The following PCNX3 variants were observed in gnomAD, a reference collection of about 807,000 sequenced individuals.
PCNX3 encodes pecanex-like protein 3.
Under a neutral mutation model 207.2 loss-of-function variants are expected in PCNX3, and 58 were observed. The ratio of observed to expected loss-of-function variants is 0.28; its 90% CI spans 0.23 to 0.35. The LOEUF is 0.35. Among genes scored for constraint, PCNX3 ranks in the 10% least tolerant of loss-of-function variants. PCNX3 has a pLI of 1.00. For missense variants in PCNX3, 2,410 were observed against 2,774.4 expected (o/e 0.87, Z 2.95); for synonymous variants, 1,337 against 1,183.5 (o/e 1.13, Z -2.66).
At chr11:65,622,944 A>G (rs1357983620) in intron 11 of PCNX3, among the ~76,000 whole-genome samples, 5 of 151,466 alleles carry the variant, frequency 3.3e-5, no homozygotes, top group African/African-American at 7.3e-5. Context: ...TGATTTGAAA[A>G]TCGAGTGCTG....
At chr11:65,626,856 AGGCAGGCAT>A (rs1565165226) in intron 20 of PCNX3, 39 bp from the exon 21 acceptor site, 1 of 1,559,484 alleles carries the variant, frequency 6.4e-7, no homozygotes, top group Non-Finnish European at 8.7e-7. Flanking sequence ...TCCTCAGGGA[AGGCAGGCAT>A]GTGGAAGCCA....
chr11:65,630,155 T>C (rs1368100017), intron 26 of PCNX3, among the ~76,000 whole-genome samples, 196 bp from the exon 27 acceptor site: 1 of 151,958 alleles, frequency 6.6e-6, no homozygotes, highest in African/African-American at 2.4e-5. Context: ...CCTCCCGCCC[T>C]GCCCTTGGAT....
chr11:65,633,521 T>A (rs1406178811), intron 27 of PCNX3, among the ~76,000 whole-genome samples: 1 of 152,166 alleles, frequency 6.6e-6, no homozygotes, highest in Non-Finnish European at 1.5e-5. Flanking sequence ...CAGTTCAGTC[T>A]GTTCTGCCCC....
At chr11:65,633,536 G>C (rs1855698159) in intron 27 of PCNX3, among the ~76,000 whole-genome samples, 1 of 152,156 alleles carries the variant, frequency 6.6e-6, no homozygotes, top group Non-Finnish European at 1.5e-5. Flanking sequence ...TGCCCCACTC[G>C]CTCCCCGCCC....
At position 65,634,607 on chromosome 11, in the gene PCNX3, G is replaced by T; in HGVS notation, c.4771G>T (p.Ala1591Ser). 6.2e-7 allele frequency: 1 copy of T among 1,603,082 alleles called. No individual in the cohort carries two copies. Residue 1591 changes from alanine to serine, a missense_variant, in exon 29 of 35, where the codon GCC becomes TCC. Physicochemically the swap from Ala to Ser is moderately conservative, Grantham distance 99. Around this residue, in one of 8 missense-constraint regions of PCNX3, gnomAD observed 420 missense variants for 705.3 expected, o/e 0.60. Transcript: ENST00000355703. Reference sequence around the variant, plus strand: ...TGGCCTGTGTGTGCTGGGCCGCCGGGCCCTGGGGACAGCCTCTCACAGCAT... The same window carrying T: ...TGGCCTGTGTGTGCTGGGCCGCCGGTCCCTGGGGACAGCCTCTCACAGCAT... ...CFGLCVLGRR[A>S]LGTASHSMSA... is the part of the protein sequence containing the mutation.
At chr11:65,633,576 C>T (rs1005393850) in intron 27 of PCNX3, among the ~76,000 whole-genome samples, 8 of 152,352 alleles carry the variant, frequency 5.3e-5, no homozygotes, top group South Asian at 2.1e-4. Flanking sequence ...GATGCTCCCG[C>T]GCTCGGGGTT....
rs1434748913 is a variant in PCNX3, at chr11:65,637,028, C to T, written c.*50C>T. 2 of 1,510,686 alleles carry T rather than the reference C, an allele frequency of 1.3e-6. No homozygotes were observed. The highest frequency in any genetic ancestry group is 1.8e-6 in the Non-Finnish European group (2 of 1,124,002). The allele number at this position is 1,510,686 out of a possible 1,614,324, so 93.6% of individuals were successfully genotyped here. A position where few individuals can be genotyped will look rare whatever the true frequency, so the allele number is the denominator to read the frequency against. On this transcript the variant is annotated 3_prime_UTR_variant, in exon 35 of 35. Transcript: ENST00000355703. ...CTCCTAGGATTCAGTAACGGACCTG[C>T]TCTGCTGCCTCTCTGCTGGACCACA...
At chr11:65,632,647 G>A (rs1419224312) in intron 27 of PCNX3, among the ~76,000 whole-genome samples, 10 of 143,618 alleles carry the variant, frequency 7.0e-5, no homozygotes, top group East Asian at 2.0e-4. Flanking sequence ...TAAGATGACC[G>A]TGAGTGTTGT....
At chr11:65,629,493 C>T in intron 25 of PCNX3, 27 bp from the exon 26 acceptor site, 1 of 1,612,740 alleles carries the variant, frequency 6.2e-7, no homozygotes, top group South Asian at 1.1e-5. Flanking sequence ...TCACTTTGTC[C>T]ATTTGCCCGT....
rs144082298 is a variant in PCNX3 at position 65,636,705 on chromosome 11, G to A, written c.5892+16G>A. 1.6e-5 allele frequency: 25 copies of A among 1,565,948 alleles called. No homozygotes were observed. The East Asian group carries it at 5.6e-4, about 35-fold the overall frequency. ...CAAATCTCAGGTAAGGCACCTGTGG[G>A]AGGGTTGGGTCCCAGAAGGCTAAGG... On this transcript the variant is annotated intron_variant, in intron 34 of 34. Transcript: ENST00000355703.
chr11:65,616,178 T>A lies in PCNX3; in HGVS notation c.-134T>A. 7.9e-6 allele frequency: 5 copies of A among 631,726 alleles called. No homozygotes were observed. Among genetic ancestry groups the A allele is most frequent in the African/African-American group, 2.0e-5 (1 of 51,144 alleles). The allele number at this position is 631,726 out of a possible 1,614,324, so 39.1% of individuals were successfully genotyped here. On this transcript the variant is annotated 5_prime_UTR_variant, in exon 1 of 35. Coordinates refer to ENST00000355703, the MANE Select transcript of PCNX3 (RefSeq NM_032223.4). ...GCACCCTCGCGCGGCCGAGCCCCCC[T>A]CCCCCGCTGGGGGAGGCCATGGCGT...
intron 22 of PCNX3, among the ~76,000 whole-genome samples, chr11:65,628,320 A>G (rs1855485407): frequency 6.6e-6 from 1 of 152,090 alleles, no homozygotes; most frequent in South Asian, 2.1e-4. Context: ...CAACTTTCCC[A>G]TCTGTGAAAA....
At position 65,635,990 on chromosome 11, in the gene PCNX3, A is replaced by G. The variant is rs1446204939; in HGVS notation, c.5460-184A>G. Among the ~76,000 whole-genome samples the G allele has an allele frequency of 1.3e-5, 2 of 152,048 alleles. No homozygotes were observed. The highest frequency in any genetic ancestry group is 4.8e-5 in the African/African-American group (2 of 41,370). ...CCAGAGCTGACAGTGGCCTTTAGTCATCAAGCACTGTTGACAACGCACCCT... is the reference window on the plus strand; with the variant it reads ...CCAGAGCTGACAGTGGCCTTTAGTCGTCAAGCACTGTTGACAACGCACCCT... On this transcript the variant is annotated intron_variant, in intron 32 of 34. Coordinates refer to ENST00000355703, the MANE Select transcript of PCNX3 (RefSeq NM_032223.4). This position sits in a 1 kb window ranked among gnomAD's most constrained non-coding sequence, Gnocchi z 9.9.
In PCNX3 at chr11:65,635,495, G is replaced by A. The variant is rs117032417; in HGVS notation, c.5185-34G>A. The A allele has an allele frequency of 0.034, 54,294 of 1,607,120 alleles. 1,091 individuals are homozygous for A. Among genetic ancestry groups the A allele is most frequent in the Non-Finnish European group, 0.037 (43,526 of 1,177,962 alleles). ...CTAAGCCCTGCCCCAAACCCCCTTG[G>A]GCCGGCCCCCTGACCCTGGCGTGTG... On this transcript the variant is annotated intron_variant, in intron 31 of 34. Coordinates refer to ENST00000355703, the MANE Select transcript of PCNX3 (RefSeq NM_032223.4). This position sits in a 1 kb window ranked among gnomAD's most constrained non-coding sequence, Gnocchi z 9.9.
Position 65,616,432 on chromosome 11 carries a change from T to A in PCNX3, c.121T>A (p.Phe41Ile). 1 of 1,609,622 alleles carries A rather than the reference T, an allele frequency of 6.2e-7. No homozygotes were observed. The highest frequency in any genetic ancestry group is 8.5e-7 in the Non-Finnish European group (1 of 1,179,438). Residue 41 changes from phenylalanine (F) to isoleucine (I), a missense_variant, in exon 1 of 35, where the codon TTC (phenylalanine) becomes ATC (isoleucine). Physicochemically the swap from Phe to Ile is conservative, Grantham distance 21 (BLOSUM62 0). Transcript: ENST00000355703. ...SNCFHLYVWI[F>I]LLIFPFLLYM... is the part of the protein sequence containing the mutation. ...CTGCTTCCACCTCTATGTCTGGATC[T>A]TCCTGCTCATCTTTCCCTTCTTACT...
At chr11:65,630,301 C>T in intron 26 of PCNX3, 50 bp from the exon 27 acceptor site, 3 of 1,586,848 alleles carry the variant, frequency 1.9e-6, no homozygotes, top group Non-Finnish European at 2.6e-6. Context: ...CAGGACAGGG[C>T]AGGTAGGGAT....
At chr11:65,633,949 T>C (rs1214213342) in intron 27 of PCNX3, 177 bp from the exon 28 acceptor site, 6 of 630,964 alleles carry the variant, frequency 9.5e-6, no homozygotes, top group African/African-American at 1.8e-5. Context: ...CTCCCTGGTC[T>C]AGGGGAAGGA....
chr11:65,624,143 CAG>C, intron 13 of PCNX3, 50 bp from the exon 14 acceptor site: 2 of 1,575,198 alleles, frequency 1.3e-6, no homozygotes, highest in East Asian at 4.6e-5. Context: ...GTGCATGTGT[CAG>C]AGGTGTGGCC....
At position 65,637,354 on chromosome 11, in the gene PCNX3, C is replaced by A; in HGVS notation, c.*376C>A. 5 of 201,944 alleles carry A rather than the reference C, an allele frequency of 2.5e-5. No individual in the cohort carries two copies. The highest frequency in any genetic ancestry group is 6.1e-5 in the Admixed American group (1 of 16,314). 12.5% of individuals were successfully genotyped at this position (201,944 alleles called of 1,614,324 possible). A position where few individuals can be genotyped will look rare whatever the true frequency, so the allele number is the denominator to read the frequency against. On this transcript the variant is annotated 3_prime_UTR_variant, in exon 35 of 35. Coordinates refer to ENST00000355703, the MANE Select transcript of PCNX3 (RefSeq NM_032223.4). ...GCCTGAATTGTGGGAAGGGTGGTTT[C>A]TTTCTTTCCTTTTTTTTCTTTTCTT...
Sources: allele counts gnomAD v4.1 joint callset (sites outside exome capture counted in the v4.1 genomes callset), GRCh38; gene constraint gnomAD v4.1.1; regional missense constraint gnomAD v4.1.1; non-coding constraint Gnocchi (gnomAD v3.1); transcripts MANE v1.5; gene names NCBI Gene and HGNC (gene_info 2026-07-23, HGNC 2026-07-21).